Variants in GPC6 observed in about 807,000 individuals in gnomAD.
GPC6 encodes glypican 6.
In GPC6, 14 loss-of-function variants were observed where a neutral mutation model predicts 55.2. The observed-to-expected ratio is 0.25, with a 90% CI of 0.17 to 0.40. GPC6 has a LOEUF of 0.40. Ranked by LOEUF, GPC6 falls within the 10% of genes least tolerant of loss-of-function variation. GPC6 has a pLI of 1.00. For synonymous variants in GPC6, 278 were observed against 259.6 expected, an observed-to-expected ratio of 1.07 and a Z score of -0.68; for missense variants, 641 against 708.5, an observed-to-expected ratio of 0.90 and a Z score of 1.08.
In GPC6 at chr13:93,486,954, A is replaced by C. The variant is rs559902949; in HGVS notation, c.161-58309A>C. Among the ~76,000 whole-genome samples the C allele has an allele frequency of 8.3e-3, 1,157 of 138,920 alleles. 5 individuals are homozygous for C. Among genetic ancestry groups the C allele is most frequent in the Non-Finnish European group, 0.013 (839 of 63,838 alleles). 91.1% of individuals were successfully genotyped at this position (138,920 alleles called of 152,430 possible). On this transcript the variant is annotated intron_variant, in intron 1 of 8. Transcript: ENST00000377047. ...GCGAGACTCCATCTCAAAAAAAAAAAAAACAAAAAAACCCCAAAAAACACA... is the reference window on the plus strand; with the variant it reads ...GCGAGACTCCATCTCAAAAAAAAAACAAACAAAAAAACCCCAAAAAACACA...
chr13:94,338,669 T>C (rs1877854300), intron 6 of GPC6, among the ~76,000 whole-genome samples: 1 of 152,198 alleles, frequency 6.6e-6, no homozygotes, highest in Non-Finnish European at 1.5e-5. Context: ...TATTCATTCA[T>C]TTAATCCAGA....
chr13:94,386,325 A>G (rs1045679877), intron 7 of GPC6, among the ~76,000 whole-genome samples: 1 of 150,140 alleles, frequency 6.7e-6, no homozygotes, highest in Non-Finnish European at 1.5e-5. Flanking sequence ...ACACCACTGC[A>G]CTCCAGCCTG....
chr13:94,277,055 A>G (rs1320030714), intron 4 of GPC6, among the ~76,000 whole-genome samples: 1 of 152,200 alleles, frequency 6.6e-6, no homozygotes, highest in Non-Finnish European at 1.5e-5. Context: ...TTCCCACCAC[A>G]GTGTAAAAGC....
chr13:94,294,359 T>TA (rs753401866), intron 5 of GPC6, among the ~76,000 whole-genome samples: 6 of 151,200 alleles, frequency 4.0e-5, no homozygotes, highest in Non-Finnish European at 7.4e-5. Context: ...GTAGAACCCA[T>TA]TAAAGATGAG....
chr13:93,548,600 T>A (rs1268163340), intron 2 of GPC6, among the ~76,000 whole-genome samples: 2 of 152,310 alleles, frequency 1.3e-5, no homozygotes, highest in East Asian at 3.9e-4. Context: ...CTGTCTTTTT[T>A]AAATTGATAT....
intron 1 of GPC6, among the ~76,000 whole-genome samples, chr13:93,496,324 A>G (rs1165580784): frequency 2.0e-5 from 3 of 152,156 alleles, no homozygotes; most frequent in South Asian, 2.1e-4. Flanking sequence ...GACTCGGAAA[A>G]GGAACTCCCT....
chr13:93,967,875 A>C (rs545685917), intron 3 of GPC6, among the ~76,000 whole-genome samples: 82 of 152,320 alleles, frequency 5.4e-4, no homozygotes, highest in African/African-American at 1.9e-3. Flanking sequence ...GACTACACAC[A>C]TTGTAACCCT....
intron 4 of GPC6, among the ~76,000 whole-genome samples, chr13:94,091,848 C>T (rs1885491181): frequency 6.6e-6 from 1 of 151,524 alleles, no homozygotes; most frequent in South Asian, 2.1e-4. Flanking sequence ...CCTTTCCTCA[C>T]TATGGTAACT....
At chr13:94,042,672 T>C (rs976067644) in intron 4 of GPC6, among the ~76,000 whole-genome samples, 1 of 151,840 alleles carries the variant, frequency 6.6e-6, no homozygotes, top group African/African-American at 2.4e-5. Context: ...CACTGTAGAG[T>C]TACTGTATTT....
chr13:93,660,777 C>T (rs182473310), intron 2 of GPC6, among the ~76,000 whole-genome samples: 26 of 152,290 alleles, frequency 1.7e-4, no homozygotes, highest in Admixed American at 3.9e-4. Context: ...AGAGGATCTT[C>T]CAGGAGATTG....
chr13:93,293,212 C>A (rs1401456194), intron 1 of GPC6, among the ~76,000 whole-genome samples: 1 of 151,618 alleles, frequency 6.6e-6, no homozygotes, highest in African/African-American at 2.4e-5. Context: ...AAGTTCCTTT[C>A]GTGAGTAGCT....
At chr13:94,024,911 C>T (rs1882835609) in intron 3 of GPC6, among the ~76,000 whole-genome samples, 2 of 152,072 alleles carry the variant, frequency 1.3e-5, no homozygotes, top group African/African-American at 4.8e-5. Flanking sequence ...CACAATAGAG[C>T]ATTTGATTCA....
intron 1 of GPC6, among the ~76,000 whole-genome samples, chr13:93,492,498 T>C (rs1880060226): frequency 6.6e-6 from 1 of 151,102 alleles, no homozygotes; most frequent in South Asian, 2.1e-4. Flanking sequence ...CTTTTCCCTA[T>C]TGAATACCCT....
intron 8 of GPC6, among the ~76,000 whole-genome samples, chr13:94,401,352 GA>G (rs1881120332): frequency 6.6e-6 from 1 of 152,148 alleles, no homozygotes; most frequent in Non-Finnish European, 1.5e-5. Flanking sequence ...TCCAAGCGGT[GA>G]AAAGTACTTT....
intron 2 of GPC6, among the ~76,000 whole-genome samples, chr13:93,784,219 A>G (rs1885750551): frequency 6.6e-6 from 1 of 152,172 alleles, no homozygotes; most frequent in African/African-American, 2.4e-5. Flanking sequence ...CATGACCAAG[A>G]CAGACAGGTT....
chr13:94,280,962 G>T (rs1201087631), intron 4 of GPC6, among the ~76,000 whole-genome samples: 1 of 151,982 alleles, frequency 6.6e-6, no homozygotes, highest in Non-Finnish European at 1.5e-5. Flanking sequence ...AAGGAAAGTT[G>T]TTTTTTATTT....
chr13:93,965,102 GTTTGTTTTTTTT>G (rs1321839489), intron 3 of GPC6, among the ~76,000 whole-genome samples: 2 of 113,308 alleles, frequency 1.8e-5, no homozygotes, highest in Admixed American at 1.0e-4. Flanking sequence ...AACACTATGA[GTTTGTTTTTTTT>G]TTTTTTTTTT....
intron 3 of GPC6, among the ~76,000 whole-genome samples, chr13:93,997,334 T>C (rs1359338638): frequency 6.6e-6 from 1 of 152,210 alleles, no homozygotes; most frequent in Non-Finnish European, 1.5e-5. Flanking sequence ...CAAGTTCTTC[T>C]CTTTGGTAGG....
intron 3 of GPC6, among the ~76,000 whole-genome samples, chr13:94,019,862 A>C (rs1253330090): frequency 6.6e-6 from 1 of 151,972 alleles, no homozygotes; most frequent in African/African-American, 2.4e-5. Flanking sequence ...ATTGAGAGTA[A>C]TGTTCCTTCT....
Sources: allele counts gnomAD v4.1 joint callset (sites outside exome capture counted in the v4.1 genomes callset), GRCh38; gene constraint gnomAD v4.1.1; transcripts MANE v1.5; gene names NCBI Gene and HGNC (gene_info 2026-07-23, HGNC 2026-07-21).